LPA: variants seen among roughly 807,000 people sequenced by gnomAD.
LPA encodes the protein lipoprotein(a).
LPA carries 199 observed loss-of-function variants against 197.9 expected under a neutral mutation model. That is an observed-to-expected ratio of 1.01 (90% CI 0.90 to 1.13). The LOEUF (loss-of-function observed/expected upper bound fraction) is 1.13. Ranked by LOEUF, LPA falls within the 50% of genes most tolerant of loss-of-function variation. LPA has a pLI of 0.00. For missense variants in LPA, 1,853 were observed against 1,785.8 expected, an observed-to-expected ratio of 1.04 and a Z score of -0.68; for synonymous variants, 715 against 639.5, an observed-to-expected ratio of 1.12 and a Z score of -1.78.
chr6:160,608,737 TC>T (rs1359190776), intron 16 of LPA, among the ~76,000 whole-genome samples: 1 of 152,108 alleles, frequency 6.6e-6, no homozygotes, highest in Non-Finnish European at 1.5e-5. Context: ...GTGACTTGCT[TC>T]CCATATGCAG....
intron 28 of LPA, among the ~76,000 whole-genome samples, chr6:160,564,772 C>T (rs1192644780): frequency 6.6e-6 from 1 of 152,138 alleles, no homozygotes; most frequent in Non-Finnish European, 1.5e-5. Flanking sequence ...ACAGATGTAC[C>T]CGGAAAATCG....
intron 34 of LPA, among the ~76,000 whole-genome samples, chr6:160,541,872 G>T (rs1777986567): frequency 6.6e-6 from 1 of 152,200 alleles, no homozygotes; most frequent in Non-Finnish European, 1.5e-5. Context: ...AGAGCAAGAA[G>T]TTACAAACGA....
intron 28 of LPA, among the ~76,000 whole-genome samples, chr6:160,576,604 A>C (rs1778684009): frequency 1.4e-5 from 2 of 145,320 alleles, no homozygotes; most frequent in Admixed American, 7.0e-5. Context: ...TTTATGCAAA[A>C]ATTTAAATAT....
Position 160,594,107 on chromosome 6 carries a change from C to G in LPA, c.3480G>C (p.Glu1160Asp), listed in dbSNP as rs1302671395. 2 of 1,613,856 alleles carry G rather than the reference C, an allele frequency of 1.2e-6. No homozygotes were observed. Among genetic ancestry groups the G allele is most frequent in the Non-Finnish European group, 1.7e-6 (2 of 1,179,814 alleles). ...TEASSEEAPTEQSPGVQDCYH... is the reference protein window; with the variant it reads ...TEASSEEAPTDQSPGVQDCYH... ...AGCAATCCTGGACCCCGGGGCTTTG[C>G]TCCGTTGGTGCTGAAATTCAAAGAG... is the stretch of plus-strand genomic sequence containing the variant. The change falls in exon 22 of 39, where the codon GAG (glutamate) becomes GAC (aspartate). Residue 1160 changes from glutamate (E) to aspartate (D), a missense_variant. By Grantham distance (45) the Glu-to-Asp change is conservative. This residue lies in a region of LPA where 1,737 missense variants were observed against 1,504.4 expected (regional missense o/e 1.15). Coordinates refer to ENST00000316300, the MANE Select transcript of LPA (RefSeq NM_005577.4).
chr6:160,595,263 T>G, intron 21 of LPA, 91 bp downstream of exon 21: 2 of 1,491,388 alleles, frequency 1.3e-6, no homozygotes, highest in Non-Finnish European at 9.3e-7. Context: ...TGGAATTGTG[T>G]GAGCATGGAA....
Position 160,599,487 on chromosome 6 carries a change from A to G in LPA, c.3287+13T>C. 6.2e-7 allele frequency: 1 copy of G among 1,613,166 alleles called. No homozygotes were observed. Among genetic ancestry groups the G allele is most frequent in the Non-Finnish European group, 8.5e-7 (1 of 1,179,832 alleles). ...GGCCCTTCCTTCGCTTATGGTAAAG[A>G]ACAAAGACGTACGCATTTGGGTAGT... is the stretch of plus-strand genomic sequence containing the variant. On this transcript the variant is annotated intron_variant, in intron 20 of 38. Coordinates refer to ENST00000316300, the MANE Select transcript of LPA (RefSeq NM_005577.4).
chr6:160,634,680 C>A (rs558463343), intron 7 of LPA, among the ~76,000 whole-genome samples: 790 of 151,498 alleles, frequency 5.2e-3, no homozygotes, highest in African/African-American at 0.019. Context: ...ATTAATGCAG[C>A]CCTGTTAGGT....
At chr6:160,650,223 C>A in intron 2 of LPA, 115 bp downstream of exon 2, 1 of 961,096 alleles carries the variant, frequency 1.0e-6, no homozygotes, top group South Asian at 1.3e-5. Flanking sequence ...GACATTTTGC[C>A]ATGCATTCTA....
intron 30 of LPA, among the ~76,000 whole-genome samples, chr6:160,553,464 A>G (rs140308626): frequency 1.3e-5 from 2 of 151,680 alleles, no homozygotes; most frequent in East Asian, 3.9e-4. Flanking sequence ...TTTTTTGTTT[A>G]TTTGTTTGTT....
Position 160,548,645 on chromosome 6 carries a change from T to A in LPA, c.4988A>T (p.Asn1663Ile). The stretch of plus-strand genomic sequence containing the variant: ...ATCGGCATCTGGATTCCTGCAGTAG[T>A]TCATTGTCAGGCCACTGGAAATTCC... Reference protein sequence around the residue: ...ENYPNDGLTMNYCRNPDADTG... With the variant: ...ENYPNDGLTMIYCRNPDADTG... The change falls in exon 31 of 39, where the codon AAC becomes ATC. Residue 1663 changes from asparagine to isoleucine, a missense_variant. Asn to Ile is a moderately radical substitution (Grantham distance 149). This residue lies in a region of LPA where 1,737 missense variants were observed against 1,504.4 expected (regional missense o/e 1.15). Coordinates refer to ENST00000316300, the MANE Select transcript of LPA (RefSeq NM_005577.4). 1 of 1,614,084 alleles carries A rather than the reference T, an allele frequency of 6.2e-7. No homozygotes were observed. The highest frequency in any genetic ancestry group is 1.1e-5 in the South Asian group (1 of 91,078).
chr6:160,542,590 A>G, intron 34 of LPA, 98 bp downstream of exon 34: 11 of 1,513,866 alleles, frequency 7.3e-6, no homozygotes, highest in Non-Finnish European at 8.2e-6. Context: ...AGAGGCAGGT[A>G]TTGATGCATC....
chr6:160,602,568 A>G (rs1411701521), intron 18 of LPA, among the ~76,000 whole-genome samples: 2 of 152,194 alleles, frequency 1.3e-5, no homozygotes, highest in African/African-American at 4.8e-5. Flanking sequence ...TACATTTGCC[A>G]TTTGCTGGGT....
rs79417895 is a variant in LPA at position 160,581,814 on chromosome 6, T to C, written c.4290-3110A>G. Among the ~76,000 whole-genome samples the C allele has an allele frequency of 3.4e-3, 518 of 152,318 alleles. 2 individuals are homozygous for C. The highest frequency in any genetic ancestry group is 0.012 in the African/African-American group (491 of 41,576). On this transcript the variant is annotated intron_variant, in intron 26 of 38. Transcript: ENST00000316300. ...AAGATCAGTTTTGTGAAAAGTGACA[T>C]TGGATTTTTTAATCTATAAGCATGA...
intron 28 of LPA, among the ~76,000 whole-genome samples, chr6:160,562,907 G>A (rs1176272937): frequency 6.6e-6 from 1 of 151,962 alleles, no homozygotes; most frequent in Admixed American, 6.6e-5. Context: ...TGGCATCATT[G>A]GTGATATCCC....
chr6:160,608,953 A>C (rs1038694362), intron 16 of LPA, among the ~76,000 whole-genome samples: 3 of 152,050 alleles, frequency 2.0e-5, no homozygotes, highest in African/African-American at 7.3e-5. Flanking sequence ...AGAAATGTCT[A>C]AATTGATCAG....
At chr6:160,564,167 G>A (rs1333502243) in intron 28 of LPA, among the ~76,000 whole-genome samples, 1 of 152,072 alleles carries the variant, frequency 6.6e-6, no homozygotes, top group Non-Finnish European at 1.5e-5. Flanking sequence ...TGTTGATGGT[G>A]TTTACAATTT....
rs1464196398 is a variant in LPA at position 160,538,060 on chromosome 6, G to A, written c.5736-99C>T. 2 of 941,136 alleles carry A rather than the reference G, an allele frequency of 2.1e-6. 1 individual carries two copies. Among genetic ancestry groups the A allele is most frequent in the Non-Finnish European group, 3.4e-6 (2 of 586,334 alleles). 58.3% of individuals were successfully genotyped at this position (941,136 alleles called of 1,614,324 possible). On this transcript the variant is annotated intron_variant, in intron 36 of 38. Coordinates refer to ENST00000316300, the MANE Select transcript of LPA (RefSeq NM_005577.4). ...GCCTTGAAGCCCCAGAGCCCTCTGA[G>A]CTGGCACTGCCTTGCTTCACTGACA... is the stretch of plus-strand genomic sequence containing the variant.
At position 160,646,200 on chromosome 6, in the gene LPA, C is replaced by A; in HGVS notation, c.391+14G>T. ...GCATCGAAGCGTGTAGATGTCTGGC[C>A]ACAGACTCCTTACCTTGTTCGGAAG... On this transcript the variant is annotated intron_variant, in intron 3 of 38. Coordinates refer to ENST00000316300, the MANE Select transcript of LPA (RefSeq NM_005577.4). The A allele has an allele frequency of 1.1e-3, 4 of 3,778 alleles. No homozygotes were observed. The East Asian group carries it at 0.013, about 12-fold the overall frequency. 0.2% of individuals were successfully genotyped at this position (3,778 alleles called of 1,614,324 possible).
intron 1 of LPA, among the ~76,000 whole-genome samples, chr6:160,658,951 C>A (rs1160871540): frequency 1.3e-5 from 2 of 151,450 alleles, no homozygotes; most frequent in Non-Finnish European, 2.9e-5. Context: ...ATACCTATAT[C>A]TATCTATAGA....
Sources: allele counts gnomAD v4.1 joint callset (sites outside exome capture counted in the v4.1 genomes callset), GRCh38; gene constraint gnomAD v4.1.1; regional missense constraint gnomAD v4.1.1; transcripts MANE v1.5; gene names NCBI Gene and HGNC (gene_info 2026-07-23, HGNC 2026-07-21).